Variants in SCAF1 observed in about 807,000 individuals in gnomAD.
SCAF1 encodes splicing factor, arginine/serine-rich 19.
A neutral mutation model predicts 91.2 loss-of-function variants in SCAF1; 28 were observed. The ratio of observed to expected loss-of-function variants is 0.31; its 90% CI spans 0.23 to 0.42. The LOEUF (loss-of-function observed/expected upper bound fraction) is 0.42, where lower values mean the gene tolerates loss of function less well. SCAF1 is among the 10% of genes least tolerant of loss of function. The pLI is 1.00. For missense variants in SCAF1, 1,893 were observed against 1,872.1 expected, an observed-to-expected ratio of 1.01 and a Z score of -0.21; for synonymous variants, 1,036 against 833.7, an observed-to-expected ratio of 1.24 and a Z score of -4.18.
Position 49,645,485 on chromosome 19 carries a change from C to T in SCAF1, c.166+74C>T, listed in dbSNP as rs753498588. The T allele has an allele frequency of 8.0e-6, 12 of 1,504,632 alleles. No homozygotes were observed. Among genetic ancestry groups the T allele is most frequent in the Non-Finnish European group, 1.0e-5 (11 of 1,101,416 alleles). The allele number at this position is 1,504,632 out of a possible 1,614,324, so 93.2% of individuals were successfully genotyped here. ...TTTATCCTAATGTCATTCATACAAG[C>T]TTTTCTGAAGCCTCCTGGGTGCCAC... On this transcript the variant is annotated intron_variant, in intron 3 of 10. Coordinates refer to ENST00000360565, the MANE Select transcript of SCAF1 (RefSeq NM_021228.3). This position sits in a 1 kb window ranked among gnomAD's most constrained non-coding sequence, Gnocchi z 4.6.
In SCAF1 at chr19:49,651,894, C is replaced by T. The variant is rs2081094318; in HGVS notation, c.1505C>T (p.Ala502Val). 4.3e-6 allele frequency: 5 copies of T among 1,164,058 alleles called. No homozygotes were observed. The highest frequency in any genetic ancestry group is 5.3e-6 in the Non-Finnish European group (5 of 941,382). The allele number at this position is 1,164,058 out of a possible 1,614,324, so 72.1% of individuals were successfully genotyped here. A position where few individuals can be genotyped will look rare whatever the true frequency, so the allele number is the denominator to read the frequency against. ...TACCGCCAGCGCTCGCCCTCCCCGG[C>T]GCCCGCGCCCGCCCCGGCCGCCGCT... ...ERYRQRSPSPAPAPAPAAAAG... is the reference protein window; with the variant it reads ...ERYRQRSPSPVPAPAPAAAAG... Residue 502 changes from alanine to valine, a missense_variant, in exon 7 of 11, where the codon GCG becomes GTG. Coordinates refer to ENST00000360565, the MANE Select transcript of SCAF1 (RefSeq NM_021228.3).
In SCAF1 at chr19:49,645,107, C is replaced by T. The variant is rs1194642244; in HGVS notation, c.81C>T (p.Pro27=). The change falls in exon 2 of 11, where the codon CCC becomes CCT. Residue 27 remains proline (P), a synonymous_variant. Coordinates refer to ENST00000360565, the MANE Select transcript of SCAF1 (RefSeq NM_021228.3). The surrounding 1 kb of genome is among the most constrained non-coding windows in gnomAD (Gnocchi z 4.6). The part of the protein sequence containing the change: ...DRGDGPPDRD[P]TLSPSAFILR... Reference sequence around the variant, plus strand: ...GCGATGGTCCGCCAGACAGAGACCCCACGCTTTCTCCTTCTGCCTTTATCC... The same window carrying T: ...GCGATGGTCCGCCAGACAGAGACCCTACGCTTTCTCCTTCTGCCTTTATCC... 6.2e-6 allele frequency: 10 copies of T among 1,614,000 alleles called. No homozygotes were observed. Among genetic ancestry groups the T allele is most frequent in the Admixed American group, 1.7e-5 (1 of 59,990 alleles).
intron 6 of SCAF1, among the ~76,000 whole-genome samples, chr19:49,647,638 A>ATGTTTACCT (rs1304224070): frequency 2.0e-5 from 3 of 152,172 alleles, no homozygotes; most frequent in Non-Finnish European, 4.4e-5. Context: ...GTGCCAGGTC[A>ATGTTTACCT]TGTTTACCTT....
At chr19:49,653,801 G>A in intron 7 of SCAF1, 96 bp downstream of exon 7, 2 of 1,249,190 alleles carry the variant, frequency 1.6e-6, no homozygotes, top group Non-Finnish European at 1.1e-6. Context: ...CCCTGGCAGG[G>A]AGAGGTTTAT....
intron 1 of SCAF1, among the ~76,000 whole-genome samples, chr19:49,644,144 A>G (rs1377943016): frequency 1.3e-5 from 2 of 152,094 alleles, no homozygotes; most frequent in African/African-American, 2.4e-5. Flanking sequence ...TGGGTTAGGG[A>G]TTTTGAAGCT....
chr19:49,641,581 T>C (rs1447614049), upstream of SCAF1, among the ~76,000 whole-genome samples: 1 of 152,174 alleles, frequency 6.6e-6, no homozygotes, highest in Non-Finnish European at 1.5e-5. Context: ...CCTCCCAAAG[T>C]GCTGGGATTA....
Position 49,652,720 on chromosome 19 carries a change from C to A in SCAF1, c.2331C>A (p.Asp777Glu). 1 of 1,594,018 alleles carries A rather than the reference C, an allele frequency of 6.3e-7. No homozygotes were observed. The highest frequency in any genetic ancestry group is 1.1e-5 in the South Asian group (1 of 88,746). Residue 777 changes from aspartate (D) to glutamate (E), a missense_variant, in exon 7 of 11, where the codon GAC becomes GAA. Physicochemically the swap from Asp to Glu is conservative, Grantham distance 45 (BLOSUM62 2). Coordinates refer to ENST00000360565, the MANE Select transcript of SCAF1 (RefSeq NM_021228.3). Reference protein sequence around the residue: ...GSRRKALDGGDRDRDRDRDRD... With the variant: ...GSRRKALDGGERDRDRDRDRD... ...GTCGGAAGGCGCTGGACGGGGGTGA[C>A]CGGGATCGGGACAGGGACAGAGATA...
At position 49,651,903 on chromosome 19, in the gene SCAF1, C is replaced by A; in HGVS notation, c.1514C>A (p.Pro505His). ...RQRSPSPAPAPAPAAAAGPPT... is the reference protein window; with the variant it reads ...RQRSPSPAPAHAPAAAAGPPT... ...CGCTCGCCCTCCCCGGCGCCCGCGC[C>A]CGCCCCGGCCGCCGCTGCTGGTCCG... The change falls in exon 7 of 11, where the codon CCC becomes CAC. Residue 505 changes from proline to histidine, a missense_variant. Pro to His is a moderately conservative substitution (Grantham distance 77). Transcript: ENST00000360565. The A allele has an allele frequency of 8.7e-7, 1 of 1,155,216 alleles. No homozygotes were observed. Among genetic ancestry groups the A allele is most frequent in the South Asian group, 2.3e-5 (1 of 44,246 alleles). 71.6% of individuals were successfully genotyped at this position (1,155,216 alleles called of 1,614,324 possible).
At chr19:49,648,590 A>G (rs1316161127) in intron 6 of SCAF1, among the ~76,000 whole-genome samples, 1 of 142,036 alleles carries the variant, frequency 7.0e-6, no homozygotes, top group Non-Finnish European at 1.5e-5. Context: ...AACAGCTGGA[A>G]ATGATTTATC....
intron 9 of SCAF1, 125 bp downstream of exon 9, chr19:49,654,995 A>G (rs2081130571): frequency 4.1e-6 from 3 of 727,938 alleles, no homozygotes; most frequent in South Asian, 2.2e-5. Context: ...CGTAGAGACC[A>G]AAGTCATGGA....
chr19:49,644,867 A>G (rs1050141131), intron 1 of SCAF1, 154 bp from the exon 2 acceptor site: 20 of 607,388 alleles, frequency 3.3e-5, no homozygotes, highest in Non-Finnish European at 5.9e-5. Context: ...CCACCCAAGC[A>G]CAGGGTGGAG....
At position 49,646,392 on chromosome 19, in the gene SCAF1, T is replaced by C. The variant is rs1026492352; in HGVS notation, c.262-134T>C. On this transcript the variant is annotated intron_variant, in intron 4 of 10. Coordinates refer to ENST00000360565, the MANE Select transcript of SCAF1 (RefSeq NM_021228.3). The surrounding 1 kb of genome is among the most constrained non-coding windows in gnomAD (Gnocchi z 5.6). Reference sequence around the variant, plus strand: ...CTTTGAGTGTTGATGGCAGTCAGGCTATAGGAATTAGATCCTCAGTTTTCT... The same window carrying C: ...CTTTGAGTGTTGATGGCAGTCAGGCCATAGGAATTAGATCCTCAGTTTTCT... The C allele has an allele frequency of 1.4e-5, 12 of 885,482 alleles. No individual in the cohort carries two copies. The highest frequency in any genetic ancestry group is 2.1e-5 in the Non-Finnish European group (12 of 558,906). The allele number at this position is 885,482 out of a possible 1,614,324, so 54.9% of individuals were successfully genotyped here. A position where few individuals can be genotyped will look rare whatever the true frequency, so the allele number is the denominator to read the frequency against.
rs1463468175 is a variant in SCAF1 at position 49,654,767 on chromosome 19, T to G, written c.3515T>G (p.Leu1172Arg). 11 of 1,612,466 alleles carry G rather than the reference T, an allele frequency of 6.8e-6. No individual in the cohort carries two copies. The highest frequency in any genetic ancestry group is 9.3e-6 in the Non-Finnish European group (11 of 1,179,166). The change falls in exon 9 of 11, where the codon CTG becomes CGG. Residue 1172 changes from leucine to arginine, a missense_variant. By Grantham distance (102) the Leu-to-Arg change is moderately radical. Transcript: ENST00000360565. ...SSYLLPGSLPLGGCGSTPPTP... is the reference protein window; with the variant it reads ...SSYLLPGSLPRGGCGSTPPTP... ...TACCTGCTTCCTGGCAGCCTCCCTCTGGGGGGCTGCGGTTCGACCCCCCCC... is the reference window on the plus strand; with the variant it reads ...TACCTGCTTCCTGGCAGCCTCCCTCGGGGGGGCTGCGGTTCGACCCCCCCC...
chr19:49,646,949 C>A lies in SCAF1; in HGVS notation c.478+119C>A. The A allele has an allele frequency of 1.4e-6, 1 of 715,504 alleles. No homozygotes were observed. Among genetic ancestry groups the A allele is most frequent in the Non-Finnish European group, 2.3e-6 (1 of 437,850 alleles). The allele number at this position is 715,504 out of a possible 1,614,324, so 44.3% of individuals were successfully genotyped here. A position where few individuals can be genotyped will look rare whatever the true frequency, so the allele number is the denominator to read the frequency against. ...TTAGACAAAACCTTTCCCTTCTCTTCGTATTAGACGTGATTAAGGCTGTAG... is the reference window on the plus strand; with the variant it reads ...TTAGACAAAACCTTTCCCTTCTCTTAGTATTAGACGTGATTAAGGCTGTAG... On this transcript the variant is annotated intron_variant, in intron 6 of 10. Coordinates refer to ENST00000360565, the MANE Select transcript of SCAF1 (RefSeq NM_021228.3). This position sits in a 1 kb window ranked among gnomAD's most constrained non-coding sequence, Gnocchi z 5.6.
rs759871085 is a variant in SCAF1 at position 49,652,823 on chromosome 19, C to T, written c.2434C>T (p.Pro812Ser). The T allele has an allele frequency of 1.9e-6, 3 of 1,614,026 alleles. No homozygotes were observed. The South Asian group carries it at 3.3e-5, about 18-fold the overall frequency. The change falls in exon 7 of 11, where the codon CCA becomes TCA. Residue 812 changes from proline (P) to serine (S), a missense_variant. Around this residue, in one of 5 missense-constraint regions of SCAF1, gnomAD observed 1,436 missense variants for 1,306.8 expected, o/e 1.10. Transcript: ENST00000360565. ...TTCCTCAGGGCCCCCGCCAAAGCCA[C>T]CAGTCAGCAGCGGCTCAGGCTCTTC... is the stretch of plus-strand genomic sequence containing the variant. ...APSSGPPPKP[P>S]VSSGSGSSSS...
At chr19:49,654,993 C>G in intron 9 of SCAF1, 123 bp downstream of exon 9, 2 of 757,962 alleles carry the variant, frequency 2.6e-6, no homozygotes, top group Non-Finnish European at 4.1e-6. Flanking sequence ...GCCGTAGAGA[C>G]CAAAGTCATG....
At chr19:49,657,134 A>G (rs900357869) in intron 9 of SCAF1, among the ~76,000 whole-genome samples, 1 of 152,174 alleles carries the variant, frequency 6.6e-6, no homozygotes, top group Non-Finnish European at 1.5e-5. Context: ...AGCCTGCATG[A>G]CAATGAGAGA....
In SCAF1 at chr19:49,652,746, G is replaced by A. The variant is rs765032228; in HGVS notation, c.2357G>A (p.Arg786Lys). The stretch of plus-strand genomic sequence containing the variant: ...CGGGATCGGGACAGGGACAGAGATA[G>A]GGACAGGGACAGGTCATCCAAGAAG... ...GDRDRDRDRD[R>K]DRDRSSKKAR... is the part of the protein sequence containing the mutation. The change falls in exon 7 of 11, where the codon AGG becomes AAG. Residue 786 changes from arginine (R) to lysine (K), a missense_variant. By Grantham distance (26) the Arg-to-Lys change is conservative. Around this residue, in one of 5 missense-constraint regions of SCAF1, gnomAD observed 1,436 missense variants for 1,306.8 expected, o/e 1.10. Coordinates refer to ENST00000360565, the MANE Select transcript of SCAF1 (RefSeq NM_021228.3). 6.2e-7 allele frequency: 1 copy of A among 1,608,990 alleles called. No homozygotes were observed. Among genetic ancestry groups the A allele is most frequent in the Non-Finnish European group, 8.5e-7 (1 of 1,178,004 alleles).
rs937743711 is a variant in SCAF1, at chr19:49,642,605, A to G, written c.-7+363A>G. 6.6e-6 allele frequency: 1 copy of G among 152,356 alleles called. No individual in the cohort carries two copies. The highest frequency in any genetic ancestry group is 6.5e-5 in the Admixed American group (1 of 15,276). 9.4% of individuals were successfully genotyped at this position (152,356 alleles called of 1,614,324 possible). A position where few individuals can be genotyped will look rare whatever the true frequency, so the allele number is the denominator to read the frequency against. On this transcript the variant is annotated intron_variant, in intron 1 of 10. Coordinates refer to ENST00000360565, the MANE Select transcript of SCAF1 (RefSeq NM_021228.3). This position sits in a 1 kb window ranked among gnomAD's most constrained non-coding sequence, Gnocchi z 4.0. ...GCTGACCGGAGGCTAGGGTCTGGTT[A>G]GAGGGTTCTGGGGCCATCTTGAGAT... is the stretch of plus-strand genomic sequence containing the variant.
Sources: allele counts gnomAD v4.1 joint callset (sites outside exome capture counted in the v4.1 genomes callset), GRCh38; gene constraint gnomAD v4.1.1; regional missense constraint gnomAD v4.1.1; non-coding constraint Gnocchi (gnomAD v3.1); transcripts MANE v1.5; gene names NCBI Gene and HGNC (gene_info 2026-07-23, HGNC 2026-07-21).